The following UVRAG variants were observed in gnomAD, a reference collection of about 807,000 sequenced individuals.
UVRAG encodes the protein UV radiation resistance-associated gene protein.
A neutral mutation model predicts 78.0 loss-of-function variants in UVRAG; 19 were observed. The ratio of observed to expected loss-of-function variants is 0.24; its 90% confidence interval spans 0.17 to 0.36. The LOEUF is 0.36. Ranked by LOEUF, UVRAG falls within the 10% of genes least tolerant of loss-of-function variation. UVRAG has a pLI of 1.00. For synonymous variants in UVRAG, 323 were observed against 324.6 expected, an observed-to-expected ratio of 1.00 and a Z score of 0.05; for missense variants, 740 against 853.8, an observed-to-expected ratio of 0.87 and a Z score of 1.66.
intron 6 of UVRAG, among the ~76,000 whole-genome samples, chr11:75,955,635 C>T (rs1948780432): frequency 1.3e-5 from 2 of 152,174 alleles, no homozygotes; most frequent in South Asian, 4.1e-4. Flanking sequence ...TGCAGTGGCT[C>T]ACTCTTGTAA....
At chr11:75,820,338 A>AGG (rs1397207380) in intron 1 of UVRAG, among the ~76,000 whole-genome samples, 1 of 150,028 alleles carries the variant, frequency 6.7e-6, no homozygotes, top group East Asian at 2.0e-4. Context: ...CATATACTCT[A>AGG]TACCTAGTTT....
Position 76,141,255 on chromosome 11 carries a change from C to A in UVRAG, c.1942C>A (p.Gln648Lys), listed in dbSNP as rs908540558. ...AGCCACAGGTTTCGCCTCAGGTGAT[C>A]AGCTAGAAGCATTTAACTGCATCCC... ...LEATGFASGD[Q>K]LEAFNCIPVD... The change falls in exon 15 of 15, where the codon CAG becomes AAG. Residue 648 changes from glutamine to lysine, a missense_variant. By Grantham distance (53) the Gln-to-Lys change is moderately conservative (BLOSUM62 1). Transcript: ENST00000356136. The A allele has an allele frequency of 3.1e-6, 5 of 1,614,064 alleles. No individual in the cohort carries two copies. Among genetic ancestry groups the A allele is most frequent in the Non-Finnish European group, 4.2e-6 (5 of 1,180,056 alleles).
intron 7 of UVRAG, among the ~76,000 whole-genome samples, chr11:75,971,706 G>A (rs1949125257): frequency 6.6e-6 from 1 of 150,546 alleles, no homozygotes; most frequent in Admixed American, 6.6e-5. Context: ...TTTTTTTGGA[G>A]ATAGAGTCTC....
At chr11:75,912,293 T>C (rs1321400952) in intron 6 of UVRAG, among the ~76,000 whole-genome samples, 2 of 152,186 alleles carry the variant, frequency 1.3e-5, no homozygotes, top group African/African-American at 2.4e-5. Context: ...AAAACAGACA[T>C]GAACTGTTTT....
chr11:76,096,747 C>G (rs1384477356), intron 13 of UVRAG, among the ~76,000 whole-genome samples: 1 of 152,164 alleles, frequency 6.6e-6, no homozygotes, highest in Non-Finnish European at 1.5e-5. Flanking sequence ...GATTTTGCCA[C>G]CAGAGCCTGT....
chr11:75,827,767 A>G (rs11236546), intron 1 of UVRAG, among the ~76,000 whole-genome samples: 25,654 of 152,078 alleles, frequency 0.17, 3,071 homozygotes, highest in African/African-American at 0.34. Flanking sequence ...GCCTACTTAC[A>G]TCTTTCAGGG....
rs1469163402 is a variant in UVRAG at position 76,126,126 on chromosome 11, A to T, written c.1397+10111A>T. ...CACCTCACCCGGCTAATTTTTTAGT[A>T]GAGACGGGGTTTCACCATGTTAGCC... On this transcript the variant is annotated intron_variant, in intron 14 of 14. Transcript: ENST00000356136. Among the ~76,000 whole-genome samples the T allele has an allele frequency of 2.2e-5, 3 of 135,142 alleles. No homozygotes were observed. In the East Asian group the frequency reaches 5.9e-4, roughly 27 times the overall value. The allele number at this position is 135,142 out of a possible 152,430, so 88.7% of individuals were successfully genotyped here.
chr11:75,929,011 A>G (rs1445205706), intron 6 of UVRAG, among the ~76,000 whole-genome samples: 1 of 151,632 alleles, frequency 6.6e-6, no homozygotes, highest in African/African-American at 2.4e-5. Context: ...GGTGACATAT[A>G]TAAGAGCAGT....
At chr11:75,828,627 C>T (rs1309903096) in intron 1 of UVRAG, among the ~76,000 whole-genome samples, 2 of 149,818 alleles carry the variant, frequency 1.3e-5, no homozygotes, top group African/African-American at 4.9e-5. Flanking sequence ...TACAGGCACG[C>T]ACCACCATGC....
chr11:75,861,361 G>A (rs1315936930), intron 2 of UVRAG, among the ~76,000 whole-genome samples: 6 of 152,186 alleles, frequency 3.9e-5, no homozygotes, highest in African/African-American at 1.4e-4. Context: ...TCACTCCACA[G>A]TACTGCAATG....
At chr11:75,988,723 C>T (rs1209147870) in intron 8 of UVRAG, among the ~76,000 whole-genome samples, 2 of 152,168 alleles carry the variant, frequency 1.3e-5, no homozygotes, top group Non-Finnish European at 2.9e-5. Flanking sequence ...TTCACTTAGT[C>T]CACATCTAAA....
At chr11:76,089,939 C>G (rs1027997404) in intron 13 of UVRAG, among the ~76,000 whole-genome samples, 1 of 152,102 alleles carries the variant, frequency 6.6e-6, no homozygotes. Context: ...CCTGGAGAAA[C>G]CCTAAAAACT....
At chr11:76,095,546 CAT>C (rs1951773132) in intron 13 of UVRAG, among the ~76,000 whole-genome samples, 1 of 149,622 alleles carries the variant, frequency 6.7e-6, no homozygotes, top group South Asian at 2.1e-4. Context: ...TCTTATATAT[CAT>C]ATATTCATAT....
chr11:75,916,962 A>G (rs1947870084), intron 6 of UVRAG, among the ~76,000 whole-genome samples: 1 of 152,204 alleles, frequency 6.6e-6, no homozygotes, highest in Admixed American at 6.5e-5. Flanking sequence ...AGATTTTATG[A>G]TAGTGATGTT....
chr11:75,982,361 T>A (rs758838375), intron 7 of UVRAG, among the ~76,000 whole-genome samples: 7 of 152,172 alleles, frequency 4.6e-5, no homozygotes, highest in Non-Finnish European at 8.8e-5. Context: ...TGATAAATTC[T>A]TAGCTGGGAG....
intron 5 of UVRAG, among the ~76,000 whole-genome samples, chr11:75,893,783 C>CA (rs1450468433): frequency 4.0e-5 from 6 of 148,658 alleles, no homozygotes; most frequent in African/African-American, 7.5e-5. Flanking sequence ...TTTGAGGCTG[C>CA]AGTGAGCTGT....
intron 12 of UVRAG, among the ~76,000 whole-genome samples, chr11:76,046,834 G>C (rs996172022): frequency 2.0e-5 from 3 of 152,298 alleles, no homozygotes; most frequent in East Asian, 1.9e-4. Flanking sequence ...AAAGTGATGA[G>C]AATAATAAGC....
At chr11:76,027,562 C>T (rs778641466) in intron 12 of UVRAG, among the ~76,000 whole-genome samples, 1 of 150,704 alleles carries the variant, frequency 6.6e-6, no homozygotes, top group Non-Finnish European at 1.5e-5. Flanking sequence ...GCAATGTTCT[C>T]CTCTCTGAGT....
chr11:75,949,712 T>C lies in UVRAG; in HGVS notation c.594-11732T>C, dbSNP rs908698131. 9.6e-4 allele frequency among the ~76,000 whole-genome samples: 140 copies of C among 145,232 alleles called. 1 individual carries two copies. The highest frequency in any genetic ancestry group is 3.1e-3 in the African/African-American group (115 of 37,450). On this transcript the variant is annotated intron_variant, in intron 6 of 14. Transcript: ENST00000356136. ...AAATACATATATATATATATATATA[T>C]ATACACACACACACACACATATACA...
Sources: gnomAD v4.1 joint callset for allele counts (sites outside exome capture counted in the v4.1 genomes callset) on GRCh38, gnomAD v4.1.1 for gene constraint, MANE v1.5 for transcripts, NCBI Gene and HGNC (gene_info 2026-07-23, HGNC 2026-07-21) for gene names.